Variants in CAMK2D observed in about 807,000 individuals in gnomAD.
CAMK2D encodes the protein calcium/calmodulin-dependent protein kinase type II subunit delta.
Under a neutral mutation model 84.0 loss-of-function variants are expected in CAMK2D, and 37 were observed. That is an observed-to-expected ratio of 0.44 (90% CI 0.34 to 0.58). The LOEUF (loss-of-function observed/expected upper bound fraction) is 0.58. CAMK2D is among the 20% of genes least tolerant of loss of function. The pLI, the probability that CAMK2D is intolerant of heterozygous loss-of-function variation, is 0.02. For missense variants in CAMK2D, 448 were observed against 652.5 expected (o/e 0.69, Z 3.41); for synonymous variants, 202 against 212.5 (o/e 0.95, Z 0.43).
intron 3 of CAMK2D, among the ~76,000 whole-genome samples, chr4:113,641,773 C>T (rs1031443100): frequency 2.0e-5 from 3 of 151,996 alleles, no homozygotes; most frequent in Non-Finnish European, 2.9e-5. Flanking sequence ...TTTAGGAGGC[C>T]GAGGTGGGTG....
chr4:113,747,685 G>C (rs531339284), intron 2 of CAMK2D, among the ~76,000 whole-genome samples: 14 of 151,954 alleles, frequency 9.2e-5, no homozygotes, highest in African/African-American at 3.1e-4. Flanking sequence ...TTAATTTTTT[G>C]TATTGCCCCA....
At chr4:113,589,392 T>A (rs1296473627) in intron 4 of CAMK2D, among the ~76,000 whole-genome samples, 1 of 151,688 alleles carries the variant, frequency 6.6e-6, no homozygotes, top group Non-Finnish European at 1.5e-5. Context: ...TATATTAGAT[T>A]CAAGAAGTGC....
rs571497682 is a variant in CAMK2D, at chr4:113,722,437, A to T, written c.160+36883T>A. Among the ~76,000 whole-genome samples the T allele has an allele frequency of 8.5e-4, 130 of 152,318 alleles. 1 individual carries two copies. The highest frequency in any genetic ancestry group is 5.2e-3 in the Admixed American group (80 of 15,290). On this transcript the variant is annotated intron_variant, in intron 2 of 20. Transcript: ENST00000511664. ...AAAAATGCTCCTCTTCCCTCCTCAG[A>T]TTCAGAAATGGAGAAATAAAACAAT...
chr4:113,506,123 A>C (rs1007302275), intron 13 of CAMK2D, among the ~76,000 whole-genome samples: 1 of 152,182 alleles, frequency 6.6e-6, no homozygotes, highest in African/African-American at 2.4e-5. Flanking sequence ...TATACTATAT[A>C]AAATAAATGA....
At chr4:113,624,701 C>T (rs903624746) in intron 3 of CAMK2D, among the ~76,000 whole-genome samples, 10 of 152,058 alleles carry the variant, frequency 6.6e-5, no homozygotes, top group East Asian at 3.8e-4. Context: ...TAAGAAACTG[C>T]GTTGAAGGAA....
At chr4:113,542,408 C>CT (rs933307308) in intron 6 of CAMK2D, among the ~76,000 whole-genome samples, 3 of 152,098 alleles carry the variant, frequency 2.0e-5, no homozygotes, top group Non-Finnish European at 2.9e-5. Flanking sequence ...GATATATCTA[C>CT]TACCCATGGT....
At chr4:113,549,312 T>C (rs969027923) in intron 5 of CAMK2D, among the ~76,000 whole-genome samples, 2 of 152,212 alleles carry the variant, frequency 1.3e-5, no homozygotes, top group Non-Finnish European at 2.9e-5. Context: ...AGGGAGAATT[T>C]AAAGTAAACT....
intron 2 of CAMK2D, among the ~76,000 whole-genome samples, chr4:113,747,337 C>T (rs977945238): frequency 1.4e-5 from 2 of 140,928 alleles, no homozygotes; most frequent in Non-Finnish European, 1.5e-5. Context: ...ATAGGAAAAG[C>T]GTATGCAAAT....
intron 3 of CAMK2D, among the ~76,000 whole-genome samples, chr4:113,638,468 G>C (rs747794775): frequency 2.0e-5 from 3 of 151,992 alleles, no homozygotes; most frequent in African/African-American, 2.4e-5. Flanking sequence ...ATCTCCCTTG[G>C]GGGTAGGTTA....
intron 16 of CAMK2D, among the ~76,000 whole-genome samples, 165 bp from the exon 17 acceptor site, chr4:113,465,769 A>G (rs2154112531): frequency 6.6e-6 from 1 of 151,880 alleles, no homozygotes; most frequent in South Asian, 2.1e-4. Flanking sequence ...GGCTCAAGTG[A>G]TCCTCCCACC....
intron 16 of CAMK2D, among the ~76,000 whole-genome samples, chr4:113,485,476 C>T (rs1289119985): frequency 6.6e-6 from 1 of 152,192 alleles, no homozygotes; most frequent in Non-Finnish European, 1.5e-5. Context: ...TTGATCTAGA[C>T]TCATTCATCC....
intron 2 of CAMK2D, among the ~76,000 whole-genome samples, chr4:113,711,434 G>T (rs1442602678): frequency 6.6e-6 from 1 of 151,908 alleles, no homozygotes; most frequent in African/African-American, 2.4e-5. Flanking sequence ...TAAACTAAAA[G>T]CTAAAATATC....
intron 4 of CAMK2D, among the ~76,000 whole-genome samples, chr4:113,585,398 T>C (rs756281313): frequency 1.4e-4 from 21 of 152,146 alleles, no homozygotes; most frequent in Non-Finnish European, 2.9e-4. Flanking sequence ...GACACAAACA[T>C]ACATACATAC....
At chr4:113,475,459 A>C (rs2097596657) in intron 16 of CAMK2D, among the ~76,000 whole-genome samples, 1 of 152,246 alleles carries the variant, frequency 6.6e-6, no homozygotes, top group African/African-American at 2.4e-5. Context: ...TTATGCATCC[A>C]TAATTATTGA....
chr4:113,467,233 C>T (rs564266132), intron 16 of CAMK2D, among the ~76,000 whole-genome samples: 48 of 152,214 alleles, frequency 3.2e-4, no homozygotes, highest in Non-Finnish European at 5.6e-4. Context: ...CTATTGATCA[C>T]GAAGAAAGCT....
intron 2 of CAMK2D, among the ~76,000 whole-genome samples, chr4:113,697,644 A>G: frequency 6.6e-6 from 1 of 152,094 alleles, no homozygotes; most frequent in East Asian, 1.9e-4. Flanking sequence ...AAAATATGAG[A>G]AGGAGTCTTT....
chr4:113,559,667 T>C (rs2098689109), intron 4 of CAMK2D, among the ~76,000 whole-genome samples: 2 of 152,268 alleles, frequency 1.3e-5, no homozygotes, highest in South Asian at 4.1e-4. Context: ...GAAAACATCA[T>C]CACAGTTAAA....
chr4:113,609,796 G>A (rs551454234), intron 3 of CAMK2D, among the ~76,000 whole-genome samples: 1 of 152,090 alleles, frequency 6.6e-6, no homozygotes, highest in Non-Finnish European at 1.5e-5. Context: ...ATTTACTCAG[G>A]TCACCCAAAT....
intron 2 of CAMK2D, among the ~76,000 whole-genome samples, chr4:113,668,777 C>A (rs2099267808): frequency 6.6e-6 from 1 of 151,922 alleles, no homozygotes; most frequent in South Asian, 2.1e-4. Context: ...CTAAACATCT[C>A]AAAAATAATA....
Sources: gnomAD v4.1 joint callset for allele counts (sites outside exome capture counted in the v4.1 genomes callset) on GRCh38, gnomAD v4.1.1 for gene constraint, MANE v1.5 for transcripts, NCBI Gene and HGNC (gene_info 2026-07-23, HGNC 2026-07-21) for gene names.